The following APBA2 variants were observed in gnomAD, a reference collection of about 807,000 sequenced individuals.
APBA2 encodes the protein amyloid-beta A4 precursor protein-binding family A member 2.
In APBA2, 30 loss-of-function variants were observed where a neutral mutation model predicts 75.0. That is an observed-to-expected ratio of 0.40 (90% CI 0.30 to 0.54). The LOEUF is 0.54. Among genes scored for constraint, APBA2 ranks in the 20% least tolerant of loss-of-function variants. The pLI is 0.49. For synonymous variants in APBA2, 444 were observed against 409.6 expected (o/e 1.08, Z -1.01); for missense variants, 801 against 1,016.1 (o/e 0.79, Z 2.88).
chr15:28,980,969 A>G (rs952902826), intron 2 of APBA2, among the ~76,000 whole-genome samples: 3 of 152,228 alleles, frequency 2.0e-5, no homozygotes, highest in African/African-American at 7.2e-5. Context: ...TGGTGCTGGG[A>G]TAGCTGGCTA....
At chr15:29,090,756 C>T (rs530534088) in intron 6 of APBA2, among the ~76,000 whole-genome samples, 1 of 152,274 alleles carries the variant, frequency 6.6e-6, no homozygotes, top group Non-Finnish European at 1.5e-5. Context: ...GTGACTGGGG[C>T]TTCACTGGGG....
At chr15:29,002,934 CGA>C (rs2038924804) in intron 3 of APBA2, among the ~76,000 whole-genome samples, 1 of 151,790 alleles carries the variant, frequency 6.6e-6, no homozygotes, top group Non-Finnish European at 1.5e-5. Context: ...TACATTTCTG[CGA>C]GAGAGGGGGA....
intron 1 of APBA2, among the ~76,000 whole-genome samples, chr15:28,890,783 A>G (rs192886796): frequency 4.1e-4 from 63 of 152,312 alleles, no homozygotes; most frequent in Admixed American, 5.9e-4. Context: ...ATGAGATGCA[A>G]TATTTAACTG....
chr15:29,107,414 G>A (rs1354768421), intron 12 of APBA2, among the ~76,000 whole-genome samples: 1 of 152,168 alleles, frequency 6.6e-6, no homozygotes, highest in Non-Finnish European at 1.5e-5. Context: ...CCTGCTGCTG[G>A]CGGCTCTTGT....
chr15:28,994,304 T>TGA (rs2038391786), intron 2 of APBA2, among the ~76,000 whole-genome samples: 2 of 152,190 alleles, frequency 1.3e-5, no homozygotes, highest in Admixed American at 1.3e-4. Context: ...CAGCCCATGC[T>TGA]GACTCCACTG....
At chr15:28,978,838 G>T (rs1030765451) in intron 2 of APBA2, among the ~76,000 whole-genome samples, 14 of 152,198 alleles carry the variant, frequency 9.2e-5, no homozygotes, top group African/African-American at 3.4e-4. Flanking sequence ...CTCACACCAG[G>T]AGTTGGATTG....
chr15:29,083,019 G>T (rs1284199856), intron 6 of APBA2, among the ~76,000 whole-genome samples: 1 of 151,906 alleles, frequency 6.6e-6, no homozygotes, highest in Non-Finnish European at 1.5e-5. Flanking sequence ...CCGAGATCGT[G>T]CCACAGTGCT....
At chr15:28,965,094 CTTATAGTT>C in intron 2 of APBA2, among the ~76,000 whole-genome samples, 1 of 151,192 alleles carries the variant, frequency 6.6e-6, no homozygotes, top group African/African-American at 2.4e-5. Context: ...TTCTACATGT[CTTATAGTT>C]TTATATTTAA....
intron 6 of APBA2, among the ~76,000 whole-genome samples, chr15:29,080,445 G>T (rs74709603): frequency 0.036 from 5,445 of 152,200 alleles, 348 homozygotes; most frequent in African/African-American, 0.12. Context: ...CTTGTCAGGC[G>T]CAGGATCACA....
intron 2 of APBA2, among the ~76,000 whole-genome samples, chr15:28,973,333 G>C (rs1429779761): frequency 6.6e-6 from 1 of 152,190 alleles, no homozygotes; most frequent in Non-Finnish European, 1.5e-5. Context: ...TTTGATTGGT[G>C]CAACTTGTAG....
chr15:29,116,552 CG>C (rs1420052491), intron 14 of APBA2, among the ~76,000 whole-genome samples: 2 of 150,252 alleles, frequency 1.3e-5, no homozygotes, highest in Non-Finnish European at 3.0e-5. Flanking sequence ...GACATGAACC[CG>C]GGGGGCAGAG....
chr15:29,050,057 A>G (rs933714682), intron 3 of APBA2, among the ~76,000 whole-genome samples: 2 of 152,228 alleles, frequency 1.3e-5, no homozygotes, highest in African/African-American at 2.4e-5. Flanking sequence ...TAAAATTAAA[A>G]AAGACCCTTA....
intron 13 of APBA2, among the ~76,000 whole-genome samples, chr15:29,110,328 GC>G (rs1424541095): frequency 1.3e-5 from 2 of 152,188 alleles, no homozygotes; most frequent in Non-Finnish European, 2.9e-5. Flanking sequence ...GGCTGCCCCT[GC>G]CTGGCTAAAC....
chr15:28,887,002 C>T lies in APBA2; in HGVS notation c.-205+724C>T, dbSNP rs558167522. On this transcript the variant is annotated intron_variant, in intron 1 of 14. Transcript: ENST00000683413. ...GCGCCATGGGCCGGGCAGCGGGCCT[C>T]GGTGTGCCCAGGCGGGGAGGGGGCG... 5.9e-5 allele frequency among the ~76,000 whole-genome samples: 9 copies of T among 152,342 alleles called. No individual in the cohort carries two copies. The Middle Eastern group carries it at 0.01, about 173-fold the overall frequency.
chr15:29,064,674 A>C (rs2042298155), intron 4 of APBA2, among the ~76,000 whole-genome samples: 2 of 152,060 alleles, frequency 1.3e-5, no homozygotes, highest in Non-Finnish European at 2.9e-5. Context: ...TGAGCCTGAA[A>C]CAAGACAAAG....
chr15:28,916,598 C>T (rs1224084928), intron 1 of APBA2, among the ~76,000 whole-genome samples: 2 of 152,126 alleles, frequency 1.3e-5, no homozygotes, highest in Admixed American at 6.5e-5. Flanking sequence ...TGCCTTTGCA[C>T]GTGTGTATGG....
chr15:29,070,325 C>T (rs2042563179), intron 4 of APBA2, among the ~76,000 whole-genome samples: 1 of 152,140 alleles, frequency 6.6e-6, no homozygotes, highest in African/African-American at 2.4e-5. Flanking sequence ...AAATATGTTC[C>T]ATGAGATGTC....
At chr15:28,924,704 A>G (rs1268710972) in intron 2 of APBA2, among the ~76,000 whole-genome samples, 1 of 152,182 alleles carries the variant, frequency 6.6e-6, no homozygotes, top group African/African-American at 2.4e-5. Context: ...ACTGTCAGGA[A>G]TAATGCAGCT....
intron 3 of APBA2, among the ~76,000 whole-genome samples, chr15:29,009,560 C>G (rs967178790): frequency 5.9e-5 from 9 of 152,130 alleles, no homozygotes; most frequent in Non-Finnish European, 1.0e-4. Context: ...AGGGTCCTCT[C>G]CCAGCCATAA....
Sources: allele counts gnomAD v4.1 joint callset (sites outside exome capture counted in the v4.1 genomes callset), GRCh38; gene constraint gnomAD v4.1.1; transcripts MANE v1.5; gene names NCBI Gene and HGNC (gene_info 2026-07-23, HGNC 2026-07-21).